Variants in TPR observed in about 807,000 individuals in gnomAD.
The protein encoded by TPR is translocated promoter region, nuclear basket protein.
In TPR, 51 loss-of-function variants were observed where a neutral mutation model predicts 316.1. That is an observed-to-expected ratio of 0.16 (90% CI 0.13 to 0.20). The LOEUF (loss-of-function observed/expected upper bound fraction) is 0.20, where lower values mean the gene tolerates loss of function less well. Ranked by LOEUF, TPR falls within the 10% of genes least tolerant of loss-of-function variation. The pLI is 1.00. For missense variants in TPR, 2,272 were observed against 2,754.8 expected (o/e 0.82, Z 3.92); for synonymous variants, 981 against 914.7 (o/e 1.07, Z -1.31).
At chr1:186,370,446 CT>C (rs1320654935) in intron 3 of TPR, among the ~76,000 whole-genome samples, 2 of 152,004 alleles carry the variant, frequency 1.3e-5, no homozygotes, top group African/African-American at 4.8e-5. Flanking sequence ...TACTACGAGG[CT>C]TTTTTGCGCC....
Position 186,312,344 on chromosome 1 carries a change from A to C in TPR, c.*1627T>G, listed in dbSNP as rs1571587242. ...CACACACCATCAGAATTCAATATTC[A>C]CCTGCCAGACTGGCTTATCAAGACA... On this transcript the variant is annotated 3_prime_UTR_variant, in exon 51 of 51. Coordinates refer to ENST00000367478, the MANE Select transcript of TPR (RefSeq NM_003292.3). 1 of 1,608,916 alleles carries C rather than the reference A, an allele frequency of 6.2e-7. No homozygotes were observed. Among genetic ancestry groups the C allele is most frequent in the Non-Finnish European group, 8.5e-7 (1 of 1,178,328 alleles).
chr1:186,338,372 A>G (rs1218124114), intron 30 of TPR, 129 bp from the exon 31 acceptor site: 1 of 729,764 alleles, frequency 1.4e-6, no homozygotes, highest in Non-Finnish European at 2.2e-6. Flanking sequence ...AAATACCCAT[A>G]TACTTCAAAG....
chr1:186,355,518 T>G lies in TPR; in HGVS notation c.2063A>C (p.Glu688Ala). ...CTGCTCATTTTGTATTTTTTCATTT[T>G]CTGCTTTTTCTTTTTTGTAGTTCTC... is the stretch of plus-strand genomic sequence containing the variant. Reference protein sequence around the residue: ...IFENYKKEKAENEKIQNEQLE... With the variant: ...IFENYKKEKAANEKIQNEQLE... Residue 688 changes from glutamate (E) to alanine (A), a missense_variant, in exon 17 of 51, where the codon GAA becomes GCA. Glu to Ala is a moderately radical substitution (Grantham distance 107). Around this residue, in one of 10 missense-constraint regions of TPR, gnomAD observed 757 missense variants for 859.8 expected, o/e 0.88. Transcript: ENST00000367478. 6.2e-7 allele frequency: 1 copy of G among 1,612,730 alleles called. No individual in the cohort carries two copies. Among genetic ancestry groups the G allele is most frequent in the South Asian group, 1.1e-5 (1 of 90,558 alleles).
rs1017688986 is a variant in TPR at position 186,360,242 on chromosome 1, A to G, written c.1191+31T>C. The G allele has an allele frequency of 1.0e-5, 16 of 1,593,156 alleles. No individual in the cohort carries two copies. The Middle Eastern group carries it at 5.0e-4, about 50-fold the overall frequency. The stretch of plus-strand genomic sequence containing the variant: ...ATTTGTATACATTTGCTGAAGAAAA[A>G]GAATTTAACAACATTTAATACCATT... On this transcript the variant is annotated intron_variant, in intron 11 of 50. Coordinates refer to ENST00000367478, the MANE Select transcript of TPR (RefSeq NM_003292.3).
rs543800357 is a variant in TPR, at chr1:186,374,765, C to A, written c.151+113G>T. On this transcript the variant is annotated intron_variant, in intron 1 of 50. Transcript: ENST00000367478. ...CGAAGGCTCAGGATATCCACAGAGC[C>A]CAGGAAGTGAGGTTAACAGAGCGGT... is the stretch of plus-strand genomic sequence containing the variant. 12 of 1,147,946 alleles carry A rather than the reference C, an allele frequency of 1.0e-5. No individual in the cohort carries two copies. In the African/African-American group the frequency reaches 1.5e-4, roughly 15 times the overall value. The allele number at this position is 1,147,946 out of a possible 1,614,324, so 71.1% of individuals were successfully genotyped here. A position where few individuals can be genotyped will look rare whatever the true frequency, so the allele number is the denominator to read the frequency against.
intron 49 of TPR, among the ~76,000 whole-genome samples, chr1:186,314,993 C>A (rs890015454): frequency 6.6e-6 from 1 of 151,754 alleles, no homozygotes; most frequent in Non-Finnish European, 1.5e-5. Context: ...ACAGCGAGAC[C>A]CTGTTTCTAC....
At position 186,341,170 on chromosome 1, in the gene TPR, T is replaced by C. The variant is rs1422886653; in HGVS notation, c.3889-11A>G. On this transcript the variant is annotated splice_polypyrimidine_tract_variant and intron_variant, in intron 28 of 50. Coordinates refer to ENST00000367478, the MANE Select transcript of TPR (RefSeq NM_003292.3). ...CTCCAGTTTCCTCACCTGAAAATCA[T>C]GCCAATATTTAACAACAAATGTAAA... 5 of 1,613,172 alleles carry C rather than the reference T, an allele frequency of 3.1e-6. No homozygotes were observed. In the East Asian group the frequency reaches 6.7e-5, roughly 22 times the overall value.
chr1:186,313,125 T>C lies in TPR; in HGVS notation c.*846A>G. The stretch of plus-strand genomic sequence containing the variant: ...ATGAGATTACGATAAAACATCCAGT[T>C]ACTAGAGTAAACTTGCTACTGACAA... On this transcript the variant is annotated 3_prime_UTR_variant, in exon 51 of 51. Transcript: ENST00000367478. The C allele has an allele frequency of 1.9e-6, 1 of 535,060 alleles. No homozygotes were observed. Among genetic ancestry groups the C allele is most frequent in the Non-Finnish European group, 3.4e-6 (1 of 297,822 alleles). 33.1% of individuals were successfully genotyped at this position (535,060 alleles called of 1,614,324 possible).
rs926298396 is a variant in TPR, at chr1:186,353,963, C to A, written c.2172-113G>T. On this transcript the variant is annotated intron_variant, in intron 17 of 50. Coordinates refer to ENST00000367478, the MANE Select transcript of TPR (RefSeq NM_003292.3). Reference sequence around the variant, plus strand: ...TCCCCAAATGCCCTGAGAATATTGTCTCTAATCCTAATGTAACATCATACA... The same window carrying A: ...TCCCCAAATGCCCTGAGAATATTGTATCTAATCCTAATGTAACATCATACA... 13 of 886,074 alleles carry A rather than the reference C, an allele frequency of 1.5e-5. No individual in the cohort carries two copies. In the African/African-American group the frequency reaches 1.7e-4, roughly 11 times the overall value. 54.9% of individuals were successfully genotyped at this position (886,074 alleles called of 1,614,324 possible).
chr1:186,346,326 C>T lies in TPR; in HGVS notation c.2944-39G>A, dbSNP rs765205230. On this transcript the variant is annotated intron_variant, in intron 22 of 50. Transcript: ENST00000367478. The stretch of plus-strand genomic sequence containing the variant: ...CAAACAGTAGGATATAAAAATTACA[C>T]ACATTTAAAGTCATACAATTATTTT... 4 of 1,569,134 alleles carry T rather than the reference C, an allele frequency of 2.5e-6. No individual in the cohort carries two copies. The South Asian group carries it at 3.6e-5, about 14-fold the overall frequency.
At chr1:186,335,168 C>T (rs2102067392) in intron 34 of TPR, 39 bp from the exon 35 acceptor site, 2 of 1,580,734 alleles carry the variant, frequency 1.3e-6, no homozygotes, top group Admixed American at 1.9e-5. Flanking sequence ...TCCTAGCCCA[C>T]AAGAGTCCAC....
At chr1:186,373,311 A>G (rs1409722093) in intron 2 of TPR, 48 bp downstream of exon 2, 7 of 1,386,784 alleles carry the variant, frequency 5.0e-6, no homozygotes, top group Non-Finnish European at 7.1e-6. Flanking sequence ...GAGTCTCTGA[A>G]GATTTCGATA....
rs184595141 is a variant in TPR, at chr1:186,321,287, A to C, written c.6462-869T>G. Reference sequence around the variant, plus strand: ...CACATGTTACATCTACAGAACAATCAACCTTTCCCCAAGTTTGTAGAAATT... The same window carrying C: ...CACATGTTACATCTACAGAACAATCCACCTTTCCCCAAGTTTGTAGAAATT... On this transcript the variant is annotated intron_variant, in intron 45 of 50. Transcript: ENST00000367478. Among the ~76,000 whole-genome samples the C allele has an allele frequency of 1.0e-3, 159 of 152,344 alleles. 1 individual carries two copies. The highest frequency in any genetic ancestry group is 3.3e-3 in the Admixed American group (50 of 15,302).
At chr1:186,316,946 T>C (rs1242521146) in intron 49 of TPR, among the ~76,000 whole-genome samples, 2 of 152,234 alleles carry the variant, frequency 1.3e-5, no homozygotes, top group African/African-American at 4.8e-5. Context: ...CTTCAAAAAT[T>C]TGAAAAGCCA....
chr1:186,327,125 AAC>A lies in TPR; in HGVS notation c.5889+333_5889+334del, dbSNP rs1304355242. On this transcript the variant is annotated intron_variant, in intron 40 of 50. Transcript: ENST00000367478. ...TATATATAAATATATATAAATATATAACATATATATTATATATATAAATATAT... is the reference window on the plus strand; with the variant it reads ...TATATATAAATATATATAAATATATAATATATATTATATATATAAATATAT... Among the ~76,000 whole-genome samples, 71 of 9,522 alleles carry A rather than the reference AAC, an allele frequency of 7.5e-3. 17 individuals carry two copies. The highest frequency in any genetic ancestry group is 0.014 in the East Asian group (4 of 292). 6.2% of individuals were successfully genotyped at this position (9,522 alleles called of 152,430 possible).
At chr1:186,353,548 A>C in intron 18 of TPR, 140 bp downstream of exon 18, 1 of 882,278 alleles carries the variant, frequency 1.1e-6, no homozygotes, top group Non-Finnish European at 1.7e-6. Flanking sequence ...GCTATTTGCA[A>C]ACTATGTATT....
chr1:186,355,704 A>C lies in TPR; in HGVS notation c.1953T>G (p.Val651=). 6.2e-7 allele frequency: 1 copy of C among 1,614,152 alleles called. No individual in the cohort carries two copies. Among genetic ancestry groups the C allele is most frequent in the Non-Finnish European group, 8.5e-7 (1 of 1,180,010 alleles). Residue 651 remains valine, a synonymous_variant, in exon 16 of 51, where the codon GTT becomes GTG. Transcript: ENST00000367478. ...TPKRPSTSQT[V]STPAPVPVIE... ...TAACAGGTACTGGAGCAGGAGTGGA[A>C]ACAGTCTGTGATGTACTTGGACGTT...
chr1:186,370,560 G>A (rs1659489937), intron 3 of TPR, among the ~76,000 whole-genome samples: 1 of 151,698 alleles, frequency 6.6e-6, no homozygotes, highest in Non-Finnish European at 1.5e-5. Context: ...AATGGCAAAA[G>A]TATAAAGTTG....
Position 186,350,317 on chromosome 1 carries a change from T to A in TPR, c.2682A>T (p.Leu894Phe). Residue 894 changes from leucine (L) to phenylalanine (F), a missense_variant, in exon 21 of 51, where the codon TTA becomes TTT. Physicochemically the swap from Leu to Phe is conservative, Grantham distance 22 (BLOSUM62 0). Around this residue, in one of 10 missense-constraint regions of TPR, gnomAD observed 757 missense variants for 859.8 expected, o/e 0.88. Transcript: ENST00000367478. Reference protein sequence around the residue: ...TNLHLNTKELLKNAQKEIATL... With the variant: ...TNLHLNTKELFKNAQKEIATL... ...TGGCAATTTCTTTTTGAGCATTTTT[T>A]AATAGTTCTTTTGTGTTAAGATGAA... 1.2e-6 allele frequency: 2 copies of A among 1,613,782 alleles called. No individual in the cohort carries two copies. Among genetic ancestry groups the A allele is most frequent in the Non-Finnish European group, 1.7e-6 (2 of 1,179,824 alleles).
Sources: allele counts gnomAD v4.1 joint callset (sites outside exome capture counted in the v4.1 genomes callset), GRCh38; gene constraint gnomAD v4.1.1; regional missense constraint gnomAD v4.1.1; transcripts MANE v1.5; gene names NCBI Gene and HGNC (gene_info 2026-07-23, HGNC 2026-07-21).